PHF10: variants seen among roughly 807,000 people sequenced by gnomAD.
The protein encoded by PHF10 is BRG1-associated factor 45a.
Under a neutral mutation model 68.5 loss-of-function variants are expected in PHF10, and 51 were observed. The ratio of observed to expected loss-of-function variants is 0.74; its 90% CI spans 0.59 to 0.94. PHF10 has a LOEUF of 0.94. PHF10 is among the 40% of genes least tolerant of loss of function. PHF10 has a pLI of 0.00. For missense variants in PHF10, 460 were observed against 602.6 expected (o/e 0.76, Z 2.48); for synonymous variants, 204 against 203.5 (o/e 1.00, Z -0.02).
At chr6:169,722,802 C>A (rs979150598) in intron 1 of PHF10, among the ~76,000 whole-genome samples, 1 of 152,190 alleles carries the variant, frequency 6.6e-6, no homozygotes, top group Non-Finnish European at 1.5e-5. Flanking sequence ...AACTACAGAT[C>A]AGATGAATTT....
chr6:169,704,403 C>T (rs1410669380), intron 11 of PHF10: 2 of 302,388 alleles, frequency 6.6e-6, no homozygotes, highest in Non-Finnish European at 1.3e-5. Flanking sequence ...AAAACCCATT[C>T]CGGAATTTGG....
intron 8 of PHF10, 117 bp from the exon 9 acceptor site, chr6:169,710,508 T>C (rs1358634239): frequency 1.3e-6 from 1 of 762,478 alleles, no homozygotes; most frequent in Admixed American, 2.8e-5. Context: ...ATTTTAAAAA[T>C]AAAAAGATCA....
chr6:169,705,926 G>A (rs1562984116), intron 9 of PHF10, among the ~76,000 whole-genome samples: 1 of 152,084 alleles, frequency 6.6e-6, no homozygotes, highest in Non-Finnish European at 1.5e-5. Context: ...ATAAAATTTG[G>A]TAAACAGCAT....
At chr6:169,715,681 G>C (rs1185641752) in intron 6 of PHF10, 27 bp downstream of exon 6, 1 of 1,597,554 alleles carries the variant, frequency 6.3e-7, no homozygotes, top group South Asian at 1.1e-5. Flanking sequence ...ACTAAGTTCA[G>C]GGGGTACTAA....
intron 7 of PHF10, 40 bp from the exon 8 acceptor site, chr6:169,712,579 TTAAATA>T (rs757182185): frequency 2.6e-6 from 4 of 1,562,034 alleles, no homozygotes; most frequent in East Asian, 2.2e-5. Context: ...CCCTTTATTA[TTAAATA>T]TAAACAGACT....
rs1353199520 is a variant in PHF10, at chr6:169,703,986, TAG to T, written c.*15_*16del. On this transcript the variant is annotated 3_prime_UTR_variant, in exon 12 of 12. Coordinates refer to ENST00000339209, the MANE Select transcript of PHF10 (RefSeq NM_018288.4). ...TTCCACTTAAATGCATATACAGTAT[TAG>T]AGTCAAAAACTATTTTATCCCTCTT... The T allele has an allele frequency of 6.3e-7, 1 of 1,575,356 alleles. No homozygotes were observed. The highest frequency in any genetic ancestry group is 1.4e-5 in the African/African-American group (1 of 73,498).
Position 169,723,831 on chromosome 6 carries a change from G to T in PHF10, c.87+14C>A. 3 of 999,098 alleles carry T rather than the reference G, an allele frequency of 3.0e-6. No homozygotes were observed. Among genetic ancestry groups the T allele is most frequent in the South Asian group, 4.8e-5 (1 of 20,846 alleles). 61.9% of individuals were successfully genotyped at this position (999,098 alleles called of 1,614,324 possible). On this transcript the variant is annotated intron_variant, in intron 1 of 11. Coordinates refer to ENST00000339209, the MANE Select transcript of PHF10 (RefSeq NM_018288.4). ...GACGGGGTCAGGGTCGGGTCGCACCGGCCGCTTCCTCACCTTCGGGGACTG... is the reference window on the plus strand; with the variant it reads ...GACGGGGTCAGGGTCGGGTCGCACCTGCCGCTTCCTCACCTTCGGGGACTG...
At chr6:169,715,254 A>C (rs1019278151) in intron 6 of PHF10, among the ~76,000 whole-genome samples, 3 of 152,208 alleles carry the variant, frequency 2.0e-5, no homozygotes, top group South Asian at 2.1e-4. Flanking sequence ...TCTCATTTAG[A>C]ATTATTAACC....
At chr6:169,708,417 A>G (rs752431503) in intron 9 of PHF10, 8 of 152,140 alleles carry the variant, frequency 5.3e-5, no homozygotes, top group Non-Finnish European at 8.8e-5. Flanking sequence ...CGTACTTTTT[A>G]TATATAAACT....
At chr6:169,721,937 G>A (rs554850998) in intron 1 of PHF10, among the ~76,000 whole-genome samples, 6 of 152,292 alleles carry the variant, frequency 3.9e-5, no homozygotes, top group Non-Finnish European at 7.4e-5. Context: ...AGAATATAAA[G>A]AGGCAATATG....
intron 7 of PHF10, among the ~76,000 whole-genome samples, 191 bp from the exon 8 acceptor site, chr6:169,712,730 T>C (rs1788953424): frequency 6.6e-6 from 1 of 152,216 alleles, no homozygotes; most frequent in Non-Finnish European, 1.5e-5. Flanking sequence ...ACTAGACTTA[T>C]GTAAAATATG....
At position 169,721,050 on chromosome 6, in the gene PHF10, G is replaced by C; in HGVS notation, c.149C>G (p.Ser50Ter). 2 of 1,547,608 alleles carry C rather than the reference G, an allele frequency of 1.3e-6. No individual in the cohort carries two copies. Among genetic ancestry groups the C allele is most frequent in the Non-Finnish European group, 1.7e-6 (2 of 1,145,170 alleles). The change falls in exon 2 of 12, where the codon TCA becomes TGA. Residue 50 changes from serine (S) to a stop codon, truncating the protein, a stop_gained. Coordinates refer to ENST00000339209, the MANE Select transcript of PHF10 (RefSeq NM_018288.4). LOFTEE classifies it high-confidence loss of function. ...TTCACAACTCCTAGAACTATCTCCT[G>C]AGCCCATTCGCCTCCTTTTGGATGG... ...TQPSKRRRMG[S>*]GDSSRSCETS...
chr6:169,721,059 C>A lies in PHF10; in HGVS notation c.140G>T (p.Arg47Leu). Residue 47 changes from arginine to leucine, a missense_variant, in exon 2 of 12, where the codon CGA becomes CTA. Arg to Leu is a moderately radical substitution (Grantham distance 102). Coordinates refer to ENST00000339209, the MANE Select transcript of PHF10 (RefSeq NM_018288.4). The part of the protein sequence containing the change: ...NDGTQPSKRR[R>L]MGSGDSSRSC... ...CCTAGAACTATCTCCTGAGCCCATT[C>A]GCCTCCTTTTGGATGGCTGGGTCCC... 5 of 1,547,814 alleles carry A rather than the reference C, an allele frequency of 3.2e-6. No homozygotes were observed. The highest frequency in any genetic ancestry group is 2.0e-5 in the Admixed American group (1 of 50,996).
In PHF10 at chr6:169,703,934, AAAT is replaced by A. The variant is rs1788645708; in HGVS notation, c.*66_*68del. On this transcript the variant is annotated 3_prime_UTR_variant, in exon 12 of 12. Coordinates refer to ENST00000339209, the MANE Select transcript of PHF10 (RefSeq NM_018288.4). ...CAAAAAAAATCTTTTATTGGCATGA[AAAT>A]AATGTTGTAAATGGCACCAAATATT... is the stretch of plus-strand genomic sequence containing the variant. 8 of 1,265,030 alleles carry A rather than the reference AAAT, an allele frequency of 6.3e-6. No individual in the cohort carries two copies. Among genetic ancestry groups the A allele is most frequent in the East Asian group, 5.3e-5 (2 of 37,886 alleles). The allele number at this position is 1,265,030 out of a possible 1,614,324, so 78.4% of individuals were successfully genotyped here. A position where few individuals can be genotyped will look rare whatever the true frequency, so the allele number is the denominator to read the frequency against.
In PHF10 at chr6:169,713,618, T is replaced by C. The variant is rs1353197499; in HGVS notation, c.804-1079A>G. On this transcript the variant is annotated intron_variant, in intron 7 of 11. Transcript: ENST00000339209. Reference sequence around the variant, plus strand: ...CATCTCAAAAAAAAAAAAAAAAAATTTGAAGAAAAACTTTTAAAAAATTGC... The same window carrying C: ...CATCTCAAAAAAAAAAAAAAAAAATCTGAAGAAAAACTTTTAAAAAATTGC... Among the ~76,000 whole-genome samples, 3 of 151,842 alleles carry C rather than the reference T, an allele frequency of 2.0e-5. No homozygotes were observed. In the East Asian group the frequency reaches 5.8e-4, roughly 29 times the overall value.
chr6:169,723,949 G>C lies in PHF10; in HGVS notation c.-18C>G. On this transcript the variant is annotated 5_prime_UTR_variant, in exon 1 of 12. Transcript: ENST00000339209. ...GCCGCCATCAGCCCGAGCGCCCCGC[G>C]CCGCCGCCGCCGCCGTCGCCTCCGC... 1 of 773,632 alleles carries C rather than the reference G, an allele frequency of 1.3e-6. No individual in the cohort carries two copies. Among genetic ancestry groups the C allele is most frequent in the Non-Finnish European group, 1.6e-6 (1 of 639,052 alleles). 47.9% of individuals were successfully genotyped at this position (773,632 alleles called of 1,614,324 possible). A position where few individuals can be genotyped will look rare whatever the true frequency, so the allele number is the denominator to read the frequency against.
rs1789083342 is a variant in PHF10 at position 169,717,718 on chromosome 6, T to A, written c.409+105A>T. ...ATAATGTAGCATTTAAATAGTTCAA[T>A]TTATTTTATTAATTTTGTAAAATAT... On this transcript the variant is annotated intron_variant, in intron 4 of 11. Coordinates refer to ENST00000339209, the MANE Select transcript of PHF10 (RefSeq NM_018288.4). 5 of 607,474 alleles carry A rather than the reference T, an allele frequency of 8.2e-6. No individual in the cohort carries two copies. In the South Asian group the frequency reaches 1.1e-4, roughly 13 times the overall value. 37.6% of individuals were successfully genotyped at this position (607,474 alleles called of 1,614,324 possible).
intron 2 of PHF10, among the ~76,000 whole-genome samples, chr6:169,720,483 A>T (rs1204904933): frequency 6.6e-6 from 1 of 152,230 alleles, no homozygotes; most frequent in Admixed American, 6.5e-5. Context: ...ACAGAAAAAA[A>T]GTCTGACATA....
intron 9 of PHF10, chr6:169,708,671 T>C (rs565057682): frequency 2.0e-5 from 3 of 152,326 alleles, no homozygotes; most frequent in East Asian, 3.9e-4. Flanking sequence ...ATATGATTTC[T>C]TGTATACTAA....
Sources: allele counts gnomAD v4.1 joint callset (sites outside exome capture counted in the v4.1 genomes callset), GRCh38; gene constraint gnomAD v4.1.1; transcripts MANE v1.5; gene names NCBI Gene and HGNC (gene_info 2026-07-23, HGNC 2026-07-21).